Variants in ANO4 observed in about 807,000 individuals in gnomAD.
ANO4 encodes the protein anoctamin 4.
A neutral mutation model predicts 141.9 loss-of-function variants in ANO4; 69 were observed. The observed-to-expected ratio is 0.49, with a 90% CI of 0.40 to 0.59. The LOEUF (loss-of-function observed/expected upper bound fraction) is 0.59, where lower values mean the gene tolerates loss of function less well. Among genes scored for constraint, ANO4 ranks in the 20% least tolerant of loss-of-function variants. The probability of loss-of-function intolerance (pLI) is 0.00; values close to 1 mark genes in which losing one functional copy is unlikely to be tolerated. For synonymous variants in ANO4, 350 were observed against 394.3 expected (o/e 0.89, Z 1.33); for missense variants, 894 against 1,162.2 (o/e 0.77, Z 3.36).
intron 3 of ANO4, among the ~76,000 whole-genome samples, chr12:100,781,755 G>A (rs901031599): frequency 1.3e-5 from 2 of 152,182 alleles, no homozygotes; most frequent in African/African-American, 4.8e-5. Context: ...ATGGATGCAT[G>A]TTTTGAAGAC....
intron 1 of ANO4, among the ~76,000 whole-genome samples, chr12:100,896,211 G>A (rs892854661): frequency 1.3e-5 from 2 of 152,108 alleles, no homozygotes; most frequent in African/African-American, 4.8e-5. Context: ...TGCATATGTG[G>A]TTTACTTAGG....
At chr12:100,885,516 T>TGGGTTTATG (rs2039785189) in intron 1 of ANO4, 2 of 152,262 alleles carry the variant, frequency 1.3e-5, no homozygotes, top group Non-Finnish European at 2.9e-5. Flanking sequence ...GGTTCAAAGC[T>TGGGTTTATG]AGGCTGTGCC....
chr12:100,765,894 G>C (rs1031286975), intron 3 of ANO4, among the ~76,000 whole-genome samples: 46 of 150,842 alleles, frequency 3.0e-4, no homozygotes, highest in African/African-American at 1.1e-3. Context: ...AACATTTCAA[G>C]TCTATTTTAG....
chr12:100,749,004 G>C (rs1241930380), intron 3 of ANO4, among the ~76,000 whole-genome samples: 1 of 152,104 alleles, frequency 6.6e-6, no homozygotes, highest in Non-Finnish European at 1.5e-5. Context: ...TATGCATTTT[G>C]GAAGGTGATT....
At chr12:101,079,161 A>G (rs755241950) in intron 14 of ANO4, 32 bp from the exon 15 acceptor site, 30 of 1,597,126 alleles carry the variant, frequency 1.9e-5, no homozygotes, top group Non-Finnish European at 2.5e-5. Context: ...CTTTTATTCA[A>G]AAATGTCTTT....
chr12:100,984,015 T>C (rs1184867143), intron 7 of ANO4, among the ~76,000 whole-genome samples: 1 of 152,152 alleles, frequency 6.6e-6, no homozygotes, highest in African/African-American at 2.4e-5. Flanking sequence ...CAACATGCCT[T>C]GTCCACCTGC....
At chr12:100,958,179 CT>C (rs1364979810) in intron 5 of ANO4, among the ~76,000 whole-genome samples, 1 of 152,190 alleles carries the variant, frequency 6.6e-6, no homozygotes, top group African/African-American at 2.4e-5. Context: ...ATGCCCACCC[CT>C]GAGTGATTTA....
At chr12:100,819,890 A>C (rs1230914087) in intron 1 of ANO4, among the ~76,000 whole-genome samples, 1 of 151,874 alleles carries the variant, frequency 6.6e-6, no homozygotes, top group East Asian at 1.9e-4. Flanking sequence ...CTCCATGCAC[A>C]CTTGAATCAC....
chr12:100,722,526 C>T (rs2030912856), intron 1 of ANO4, among the ~76,000 whole-genome samples: 2 of 152,188 alleles, frequency 1.3e-5, no homozygotes, highest in African/African-American at 4.8e-5. Flanking sequence ...TCCTTCTTTA[C>T]AAGGCCCCCT....
At chr12:100,729,380 AAAAAAAAAAAG>A (rs2031286823) in intron 1 of ANO4, among the ~76,000 whole-genome samples, 1 of 150,194 alleles carries the variant, frequency 6.7e-6, no homozygotes, top group East Asian at 1.9e-4. Flanking sequence ...AAAAAAAAAA[AAAAAAAAAAAG>A]GTAACACTAA....
intron 1 of ANO4, among the ~76,000 whole-genome samples, chr12:100,838,194 C>T (rs2037045021): frequency 7.4e-6 from 1 of 134,370 alleles, no homozygotes; most frequent in African/African-American, 2.8e-5. Flanking sequence ...CGCTTCATTA[C>T]ACTCCAGCCT....
intron 8 of ANO4, among the ~76,000 whole-genome samples, chr12:101,017,772 G>A (rs1424882499): frequency 6.6e-6 from 1 of 152,188 alleles, no homozygotes; most frequent in African/African-American, 2.4e-5. Context: ...TGGCTAATAA[G>A]TACTACTTCC....
intron 3 of ANO4, among the ~76,000 whole-genome samples, chr12:100,751,081 T>C (rs2032353708): frequency 6.6e-6 from 1 of 152,150 alleles, no homozygotes; most frequent in Non-Finnish European, 1.5e-5. Context: ...AACAAAGCTA[T>C]TGTAACCTGC....
intron 2 of ANO4, among the ~76,000 whole-genome samples, chr12:100,917,157 G>A (rs1411432529): frequency 1.3e-5 from 2 of 152,118 alleles, no homozygotes; most frequent in Admixed American, 1.3e-4. Flanking sequence ...AGACAAAATG[G>A]AGATCACATG....
intron 1 of ANO4, among the ~76,000 whole-genome samples, chr12:100,836,896 AC>A (rs933872150): frequency 5.7e-4 from 87 of 152,296 alleles, no homozygotes; most frequent in African/African-American, 2.0e-3. Flanking sequence ...CCAGGTGAAG[AC>A]ATCAGAATAC....
At chr12:100,833,279 T>C (rs2036731818) in intron 1 of ANO4, among the ~76,000 whole-genome samples, 3 of 152,106 alleles carry the variant, frequency 2.0e-5, no homozygotes, top group Admixed American at 6.6e-5. Flanking sequence ...CCTGATGTAA[T>C]CATTAGGGTT....
At chr12:101,033,188 A>G (rs570293869) in intron 9 of ANO4, among the ~76,000 whole-genome samples, 52 of 152,248 alleles carry the variant, frequency 3.4e-4, no homozygotes, top group African/African-American at 1.2e-3. Context: ...GAAATTGGAA[A>G]TCATCATTCT....
At chr12:100,848,875 T>A (rs766746637) in intron 1 of ANO4, among the ~76,000 whole-genome samples, 1 of 152,192 alleles carries the variant, frequency 6.6e-6, no homozygotes, top group Non-Finnish European at 1.5e-5. Context: ...CCTTATCTCT[T>A]CCCTTTCTTT....
At chr12:100,860,767 A>C (rs2038426845) in intron 1 of ANO4, among the ~76,000 whole-genome samples, 1 of 152,220 alleles carries the variant, frequency 6.6e-6, no homozygotes, top group African/African-American at 2.4e-5. Flanking sequence ...GATAAATAAA[A>C]AAGTAAATAC....
Sources: gnomAD v4.1 joint callset for allele counts (sites outside exome capture counted in the v4.1 genomes callset) on GRCh38, gnomAD v4.1.1 for gene constraint, MANE v1.5 for transcripts, NCBI Gene and HGNC (gene_info 2026-07-23, HGNC 2026-07-21) for gene names.